Variants in CRHBP observed in about 807,000 individuals in gnomAD.
CRHBP encodes the protein corticotropin releasing hormone binding protein.
In CRHBP, 19 loss-of-function variants were observed where a neutral mutation model predicts 34.9. The observed-to-expected ratio is 0.55, with a 90% CI of 0.38 to 0.80. The LOEUF (loss-of-function observed/expected upper bound fraction) is 0.80, where lower values mean the gene tolerates loss of function less well. Among genes scored for constraint, CRHBP ranks in the 30% least tolerant of loss-of-function variants. CRHBP has a pLI of 0.00. For missense variants in CRHBP, 328 were observed against 409.2 expected, an observed-to-expected ratio of 0.80 and a Z score of 1.71; for synonymous variants, 154 against 153.4, an observed-to-expected ratio of 1.00 and a Z score of -0.03.
At chr5:76,966,399 A>G (rs1745860857) in intron 6 of CRHBP, among the ~76,000 whole-genome samples, 1 of 152,196 alleles carries the variant, frequency 6.6e-6, no homozygotes, top group Admixed American at 6.5e-5. Flanking sequence ...CCCTATGCAG[A>G]TGAAGAGATA....
chr5:76,975,350 ATTACT>A (rs1439502873), intron 2 of CRHBP, among the ~76,000 whole-genome samples: 9 of 152,332 alleles, frequency 5.9e-5, no homozygotes, highest in Non-Finnish European at 1.3e-4. Context: ...TTAGTAACAT[ATTACT>A]TTAAAGATTC....
chr5:76,959,329 CTG>C (rs1469812676), intron 5 of CRHBP, among the ~76,000 whole-genome samples: 1 of 152,184 alleles, frequency 6.6e-6, no homozygotes, highest in Non-Finnish European at 1.5e-5. Flanking sequence ...GGAGTGCTAA[CTG>C]TAGCATAAAA....
At chr5:76,973,246 C>G (rs1172599745), downstream of CRHBP, among the ~76,000 whole-genome samples, 1 of 152,204 alleles carries the variant, frequency 6.6e-6, no homozygotes, top group Non-Finnish European at 1.5e-5. Flanking sequence ...TCCAGACAGG[C>G]CTGACTTGAC....
rs575433228 is a variant in CRHBP, at chr5:76,975,790, C to T, written n.312-575C>T. On this transcript the variant is annotated intron_variant and non_coding_transcript_variant, in intron 2 of 3. Transcript: ENST00000514258. ...CTGCACTCCAGCCTGGGCAACAGAG[C>T]GAGACTCTGTCTCAAAAAAAAAAAA... is the stretch of plus-strand genomic sequence containing the variant. 6.0e-3 allele frequency among the ~76,000 whole-genome samples: 574 copies of T among 96,010 alleles called. 5 individuals carry two copies. The highest frequency in any genetic ancestry group is 0.025 in the African/African-American group (546 of 21,564). 63.0% of individuals were successfully genotyped at this position (96,010 alleles called of 152,430 possible).
At chr5:76,966,055 G>A (rs1236900165) in intron 6 of CRHBP, among the ~76,000 whole-genome samples, 2 of 152,184 alleles carry the variant, frequency 1.3e-5, no homozygotes, top group Non-Finnish European at 2.9e-5. Context: ...TTTCACTCTT[G>A]TTGCCCAGGC....
Position 76,963,503 on chromosome 5 carries a change from T to TA in CRHBP, c.811+52dup, listed in dbSNP as rs750560365. ...TTGTTATGTATGTGCCTATCAAGAT[T>TA]AAAAAAAAATAAGCACTCCCCTAAT... On this transcript the variant is annotated intron_variant, in intron 6 of 6. Transcript: ENST00000274368. 3.2e-3 allele frequency: 4,640 copies of TA among 1,428,648 alleles called. 9 individuals carry two copies. Among genetic ancestry groups the TA allele is most frequent in the Non-Finnish European group, 4.1e-3 (4,305 of 1,040,380 alleles). The allele number at this position is 1,428,648 out of a possible 1,614,324, so 88.5% of individuals were successfully genotyped here.
At chr5:76,972,391 T>C (rs1745960236), downstream of CRHBP, among the ~76,000 whole-genome samples, 2 of 151,956 alleles carry the variant, frequency 1.3e-5, no homozygotes, top group African/African-American at 4.8e-5. Flanking sequence ...TCCCAGCTAC[T>C]TGGGAAGCTG....
Position 76,953,189 on chromosome 5 carries a change from C to G in CRHBP, c.55C>G (p.Leu19Val), listed in dbSNP as rs1371948891. The change falls in exon 1 of 7, where the codon CTA (leucine) becomes GTA (valine). Residue 19 changes from leucine to valine, a missense_variant. Physicochemically the swap from Leu to Val is conservative, Grantham distance 32. This residue lies in a region of CRHBP where 11 missense variants were observed against 20.3 expected (regional missense o/e 0.54). Coordinates refer to ENST00000274368, the MANE Select transcript of CRHBP (RefSeq NM_001882.4). The stretch of plus-strand genomic sequence containing the variant: ...CTTCATTCTCATCTTCCTGACGGCT[C>G]TAAGAGGGGAAAGCCGGTACCTAGA... ...CHFILIFLTA[L>V]RGESRYLELR... is the part of the protein sequence containing the mutation. 6.2e-7 allele frequency: 1 copy of G among 1,614,104 alleles called. No individual in the cohort carries two copies. Among genetic ancestry groups the G allele is most frequent in the Non-Finnish European group, 8.5e-7 (1 of 1,180,042 alleles).
At chr5:76,975,825 A>AAAAATATATATATAT in intron 2 of CRHBP, among the ~76,000 whole-genome samples, 1 of 61,846 alleles carries the variant, frequency 1.6e-5, no homozygotes. Flanking sequence ...AAAAAAAAAA[A>AAAAATATATATATAT]ATATATATAT....
chr5:76,953,295 G>A (rs1745600580), intron 1 of CRHBP, 80 bp downstream of exon 1: 4 of 1,332,818 alleles, frequency 3.0e-6, no homozygotes, highest in African/African-American at 1.4e-5. Flanking sequence ...TCTGCTCGCA[G>A]CCTTTTGGGG....
intron 5 of CRHBP, among the ~76,000 whole-genome samples, chr5:76,959,535 C>T (rs1561265594): frequency 6.6e-6 from 1 of 152,170 alleles, no homozygotes; most frequent in Non-Finnish European, 1.5e-5. Flanking sequence ...GTAGCATTTT[C>T]CCTCTGAGTC....
intron 5 of CRHBP, 77 bp from the exon 6 acceptor site, chr5:76,963,265 TG>T: frequency 8.6e-7 from 1 of 1,157,330 alleles, no homozygotes; most frequent in Non-Finnish European, 1.3e-6. Flanking sequence ...AGTGAATTCA[TG>T]GACCCGCTGT....
chr5:76,967,484 G>A (rs1417214400), intron 6 of CRHBP, among the ~76,000 whole-genome samples: 2 of 152,072 alleles, frequency 1.3e-5, no homozygotes, highest in Non-Finnish European at 2.9e-5. Context: ...ACACCTTATA[G>A]AGACAAAGTG....
Position 76,968,804 on chromosome 5 carries a change from T to G in CRHBP, c.888T>G (p.Phe296Leu), listed in dbSNP as rs777388217. The G allele has an allele frequency of 2.5e-6, 4 of 1,614,198 alleles. No individual in the cohort carries two copies. The highest frequency in any genetic ancestry group is 3.4e-6 in the Non-Finnish European group (4 of 1,180,024). ...GAAAACACGTAAATCGTGTGACTTT[T>G]GAGTATCGTCAGCTGGAGCCGTACG... ...SSGKHVNRVT[F>L]EYRQLEPYEL... The change falls in exon 7 of 7, where the codon TTT becomes TTG. Residue 296 changes from phenylalanine to leucine, a missense_variant. Coordinates refer to ENST00000274368, the MANE Select transcript of CRHBP (RefSeq NM_001882.4).
intron 1 of CRHBP, 48 bp from the exon 2 acceptor site, chr5:76,953,553 T>A (rs1285462912): frequency 6.4e-7 from 1 of 1,569,368 alleles, no homozygotes; most frequent in East Asian, 2.3e-5. Flanking sequence ...TCCCCTTTTT[T>A]ATCCCCAGCC....
intron 5 of CRHBP, among the ~76,000 whole-genome samples, chr5:76,959,194 C>A (rs889327330): frequency 6.6e-6 from 1 of 152,104 alleles, no homozygotes; most frequent in Non-Finnish European, 1.5e-5. Context: ...CTTGTACTTG[C>A]CTCTTTTACA....
chr5:76,968,891 C>T lies in CRHBP; in HGVS notation c.*6C>T. 1 of 1,612,186 alleles carries T rather than the reference C, an allele frequency of 6.2e-7. No individual in the cohort carries two copies. The highest frequency in any genetic ancestry group is 8.5e-7 in the Non-Finnish European group (1 of 1,178,788). On this transcript the variant is annotated 3_prime_UTR_variant, in exon 7 of 7. Transcript: ENST00000274368. ...TCTGTTTGTCTGGTCTTTGAATAAC[C>T]AACCCAGTGATTTACATGCTGATAG...
chr5:76,954,313 C>A, intron 3 of CRHBP, 127 bp downstream of exon 3: 1 of 1,171,342 alleles, frequency 8.5e-7, no homozygotes, highest in Non-Finnish European at 1.2e-6. Flanking sequence ...AGACACTTCG[C>A]TGGTGCCCGA....
In CRHBP at chr5:76,968,709, T is replaced by C. The variant is rs1324636048; in HGVS notation, c.812-19T>C. 2 of 1,585,952 alleles carry C rather than the reference T, an allele frequency of 1.3e-6. No individual in the cohort carries two copies. The highest frequency in any genetic ancestry group is 2.7e-5 in the African/African-American group (2 of 74,048). ...TTTCTAACCTGCTGGGAAACTTTTA[T>C]CTTTTCCATCCATTATAGCCCAGAT... is the stretch of plus-strand genomic sequence containing the variant. On this transcript the variant is annotated intron_variant, in intron 6 of 6. Coordinates refer to ENST00000274368, the MANE Select transcript of CRHBP (RefSeq NM_001882.4).
Sources: gnomAD v4.1 joint callset for allele counts (sites outside exome capture counted in the v4.1 genomes callset) on GRCh38, gnomAD v4.1.1 for gene constraint, gnomAD v4.1.1 regional missense constraint, MANE v1.5 for transcripts, NCBI Gene and HGNC (gene_info 2026-07-23, HGNC 2026-07-21) for gene names.